Variants in NT5C2 observed in about 807,000 individuals in gnomAD.
NT5C2 encodes cytosolic purine 5'-nucleotidase.
Under a neutral mutation model 76.1 loss-of-function variants are expected in NT5C2, and 58 were observed. That is an observed-to-expected ratio of 0.76 (90% confidence interval 0.62 to 0.95). NT5C2 has a LOEUF of 0.95. Among genes scored for constraint, NT5C2 ranks in the 40% least tolerant of loss-of-function variants. The pLI, the probability that NT5C2 is intolerant of heterozygous loss-of-function variation, is 0.00. For synonymous variants in NT5C2, 229 were observed against 237.4 expected, an observed-to-expected ratio of 0.96 and a Z score of 0.32; for missense variants, 478 against 690.3, an observed-to-expected ratio of 0.69 and a Z score of 3.45.
intron 18 of NT5C2, chr10:103,090,145 G>A: frequency 2.3e-6 from 1 of 438,672 alleles, no homozygotes; most frequent in Non-Finnish European, 4.0e-6. Context: ...AAAAGATGGA[G>A]AGGGGAGTTT....
intron 1 of NT5C2, among the ~76,000 whole-genome samples, chr10:103,182,496 G>A (rs999978954): frequency 1.3e-5 from 2 of 151,916 alleles, no homozygotes; most frequent in Admixed American, 1.3e-4. Flanking sequence ...GTAGCCAGGC[G>A]TGGTGGCAGG....
intron 3 of NT5C2, among the ~76,000 whole-genome samples, chr10:103,154,874 C>A (rs571720570): frequency 1.8e-4 from 28 of 152,226 alleles, no homozygotes; most frequent in Admixed American, 2.6e-4. Context: ...CTTAAGGGTG[C>A]CAACTTCCCA....
chr10:103,186,572 T>C (rs970635023), intron 1 of NT5C2, among the ~76,000 whole-genome samples: 1 of 152,186 alleles, frequency 6.6e-6, no homozygotes, highest in Non-Finnish European at 1.5e-5. Context: ...CAAGATTTAT[T>C]TCACCAAACC....
At chr10:103,141,588 A>G (rs987368947) in intron 3 of NT5C2, among the ~76,000 whole-genome samples, 40 of 152,352 alleles carry the variant, frequency 2.6e-4, no homozygotes, top group African/African-American at 9.1e-4. Context: ...AATGCCATGT[A>G]TTCAAGATTT....
intron 4 of NT5C2, among the ~76,000 whole-genome samples, chr10:103,109,015 C>T (rs1564999333): frequency 1.3e-5 from 2 of 151,870 alleles, no homozygotes; most frequent in Admixed American, 1.3e-4. Context: ...CCCGCCACCA[C>T]ACCTGGTATT....
chr10:103,093,024 C>T (rs2067310972), intron 15 of NT5C2, 115 bp downstream of exon 15: 1 of 760,154 alleles, frequency 1.3e-6, no homozygotes, highest in Non-Finnish European at 2.0e-6. Context: ...ATATCAAGGC[C>T]TGCCTTTTGA....
At chr10:103,129,054 C>T (rs1322760137) in intron 4 of NT5C2, among the ~76,000 whole-genome samples, 15 of 122,106 alleles carry the variant, frequency 1.2e-4, no homozygotes, top group South Asian at 5.9e-4. Context: ...ACCGGCCAGC[C>T]GTGCCATCCG....
chr10:103,131,988 C>T (rs1238202998), intron 4 of NT5C2, among the ~76,000 whole-genome samples: 1 of 151,836 alleles, frequency 6.6e-6, no homozygotes, highest in African/African-American at 2.4e-5. Flanking sequence ...TGCCTGTAAT[C>T]CCAGCACTTT....
At chr10:103,169,500 T>C (rs1213178109) in intron 3 of NT5C2, 1 of 152,086 alleles carries the variant, frequency 6.6e-6, no homozygotes, top group African/African-American at 2.4e-5. Context: ...ACGCCTGTAG[T>C]CCCAGCTATT....
chr10:103,113,754 G>C (rs1358394916), intron 4 of NT5C2, among the ~76,000 whole-genome samples: 1 of 152,144 alleles, frequency 6.6e-6, no homozygotes, highest in Non-Finnish European at 1.5e-5. Context: ...AAAGTATAGA[G>C]AGACAAAAAG....
intron 4 of NT5C2, chr10:103,125,344 C>A: frequency 2.6e-6 from 1 of 379,130 alleles, no homozygotes; most frequent in Non-Finnish European, 4.9e-6. Context: ...CTAGTAAGAA[C>A]CTGGCGTTTG....
chr10:103,143,445 T>A (rs1444662516), intron 3 of NT5C2, among the ~76,000 whole-genome samples: 1 of 152,036 alleles, frequency 6.6e-6, no homozygotes, highest in Non-Finnish European at 1.5e-5. Flanking sequence ...TCTTATTTAT[T>A]TTCAAGACAG....
chr10:103,161,461 C>T (rs995679481), intron 3 of NT5C2, among the ~76,000 whole-genome samples: 2 of 152,188 alleles, frequency 1.3e-5, no homozygotes, highest in Non-Finnish European at 2.9e-5. Context: ...GGATTACAGG[C>T]ATCAGCCACT....
intron 4 of NT5C2, among the ~76,000 whole-genome samples, chr10:103,133,222 C>T (rs991840141): frequency 2.0e-5 from 3 of 152,198 alleles, no homozygotes; most frequent in Admixed American, 1.3e-4. Context: ...TTTCACCTTC[C>T]ACCATGATTG....
At chr10:103,136,623 A>AT (rs1321785782) in intron 4 of NT5C2, among the ~76,000 whole-genome samples, 37 of 132,372 alleles carry the variant, frequency 2.8e-4, no homozygotes, top group East Asian at 1.7e-3. Context: ...GATTCAGTTA[A>AT]TTATTTTTTT....
At chr10:103,143,524 A>G (rs2080914054) in intron 3 of NT5C2, among the ~76,000 whole-genome samples, 1 of 149,398 alleles carries the variant, frequency 6.7e-6, no homozygotes, top group Non-Finnish European at 1.5e-5. Flanking sequence ...TCAACCTCCC[A>G]GGCTCATGTT....
Position 103,093,976 on chromosome 10 carries a change from T to C in NT5C2, c.984A>G (p.Ser328=), listed in dbSNP as rs779873955. 3 of 1,612,538 alleles carry C rather than the reference T, an allele frequency of 1.9e-6. No homozygotes were observed. The highest frequency in any genetic ancestry group is 2.5e-6 in the Non-Finnish European group (3 of 1,178,534). The change falls in exon 14 of 19, where the codon TCA becomes TCG. Residue 328 remains serine (S), a synonymous_variant. Coordinates refer to ENST00000404739, the MANE Select transcript of NT5C2 (RefSeq NM_001351169.2). The part of the protein sequence containing the change: ...TGPLQHGIVY[S]GGSSDTICDL... ...AAAGGGAAGTCTGTGACTTACCTCCTGAGTAGACGATACCATGCTGTAGGG... is the reference window on the plus strand; with the variant it reads ...AAAGGGAAGTCTGTGACTTACCTCCCGAGTAGACGATACCATGCTGTAGGG...
rs189479290 is a variant in NT5C2, at chr10:103,178,146, G to A, written c.-25+3039C>T. ...TGACTGAATAATAATCCACTGTGCA[G>A]GCGCAACTGGCTCTCCTTTTGTGGA... On this transcript the variant is annotated intron_variant, in intron 2 of 18. Transcript: ENST00000404739. 3.1e-4 allele frequency among the ~76,000 whole-genome samples: 47 copies of A among 152,284 alleles called. No homozygotes were observed. The East Asian group carries it at 9.1e-3, about 29-fold the overall frequency.
chr10:103,119,685 G>A (rs554049244), intron 4 of NT5C2, among the ~76,000 whole-genome samples: 3 of 152,274 alleles, frequency 2.0e-5, no homozygotes, highest in East Asian at 3.9e-4. Context: ...CAGTTTACAC[G>A]CTATCAATAG....
Sources: gnomAD v4.1 joint callset for allele counts (sites outside exome capture counted in the v4.1 genomes callset) on GRCh38, gnomAD v4.1.1 for gene constraint, MANE v1.5 for transcripts, NCBI Gene and HGNC (gene_info 2026-07-23, HGNC 2026-07-21) for gene names.